Variants in ABCC4 observed in about 807,000 individuals in gnomAD.
ABCC4 encodes ATP-binding cassette sub-family C member 4.
In ABCC4, 102 loss-of-function variants were observed where a neutral mutation model predicts 168.5. That is an observed-to-expected ratio of 0.61 (90% CI 0.52 to 0.71). The LOEUF is 0.71. Among genes scored for constraint, ABCC4 ranks in the 30% least tolerant of loss-of-function variants. The pLI is 0.00. For missense variants in ABCC4, 1,402 were observed against 1,605.8 expected (o/e 0.87, Z 2.17); for synonymous variants, 617 against 590.7 (o/e 1.04, Z -0.65).
At chr13:95,081,431 C>A (rs573722671) in intron 21 of ABCC4, among the ~76,000 whole-genome samples, 3 of 152,202 alleles carry the variant, frequency 2.0e-5, no homozygotes, top group Non-Finnish European at 4.4e-5. Flanking sequence ...AAAATGCCTG[C>A]ACAGCCTTGC....
intron 4 of ABCC4, among the ~76,000 whole-genome samples, chr13:95,216,828 T>A (rs1361364596): frequency 6.6e-6 from 1 of 152,134 alleles, no homozygotes; most frequent in Non-Finnish European, 1.5e-5. Context: ...AATTAACAAC[T>A]CTTGGGGAGG....
At chr13:95,250,368 T>A (rs774220891) in intron 1 of ABCC4, among the ~76,000 whole-genome samples, 2 of 152,170 alleles carry the variant, frequency 1.3e-5, no homozygotes, top group Non-Finnish European at 2.9e-5. Flanking sequence ...GTACAATGCT[T>A]TCAGGGCAAT....
intron 20 of ABCC4, among the ~76,000 whole-genome samples, chr13:95,086,093 G>GTGTGTGTGTGTA (rs2034249255): frequency 6.6e-6 from 1 of 151,252 alleles, no homozygotes; most frequent in Admixed American, 6.6e-5. Flanking sequence ...GTTATTGTGT[G>GTGTGTGTGTGTA]TGTGTGTGTG....
chr13:95,117,807 T>C (rs532519172), intron 19 of ABCC4, among the ~76,000 whole-genome samples: 2 of 149,372 alleles, frequency 1.3e-5, no homozygotes, highest in South Asian at 4.2e-4. Context: ...AGGCCAGGTA[T>C]GGGGCTCACA....
Position 95,021,329 on chromosome 13 carries a change from G to T in ABCC4, c.*246C>A, listed in dbSNP as rs193269501. 38 of 393,320 alleles carry T rather than the reference G, an allele frequency of 9.7e-5. No homozygotes were observed. The East Asian group carries it at 9.7e-4, about 10-fold the overall frequency. The allele number at this position is 393,320 out of a possible 1,614,324, so 24.4% of individuals were successfully genotyped here. On this transcript the variant is annotated 3_prime_UTR_variant, in exon 31 of 31. Transcript: ENST00000645237. ...TCTTAAGGCACAAAACCTGATAGAC[G>T]GCATTTAACTGGTGGCCTGCACCTC...
intron 1 of ABCC4, among the ~76,000 whole-genome samples, chr13:95,300,136 G>A (rs1339507772): frequency 6.6e-6 from 1 of 152,204 alleles, no homozygotes; most frequent in Non-Finnish European, 1.5e-5. Flanking sequence ...ACCGCGCCAG[G>A]CCAAGATGGA....
intron 15 of ABCC4, 133 bp downstream of exon 15, chr13:95,166,025 T>A (rs138132657): frequency 1.2e-6 from 1 of 839,738 alleles, no homozygotes; most frequent in East Asian, 2.5e-5. Flanking sequence ...ACCAATATCA[T>A]GGAATAGAGC....
intron 26 of ABCC4, among the ~76,000 whole-genome samples, chr13:95,055,066 C>A (rs933212831): frequency 2.0e-4 from 31 of 152,154 alleles, no homozygotes; most frequent in African/African-American, 6.8e-4. Flanking sequence ...AGTCACTGGT[C>A]ACATGATGTT....
At chr13:95,096,187 A>G in intron 20 of ABCC4, 1 of 646,366 alleles carries the variant, frequency 1.5e-6, no homozygotes, top group Non-Finnish European at 2.8e-6. Context: ...TCTCTATGAA[A>G]GAAAAAAAAA....
At chr13:95,124,956 C>T (rs1349066861) in intron 19 of ABCC4, among the ~76,000 whole-genome samples, 1 of 151,692 alleles carries the variant, frequency 6.6e-6, no homozygotes, top group African/African-American at 2.4e-5. Flanking sequence ...CTTAAGGCAC[C>T]AAATGAGGCA....
intron 3 of ABCC4, among the ~76,000 whole-genome samples, chr13:95,241,383 A>G (rs1441744608): frequency 4.0e-5 from 6 of 150,908 alleles, no homozygotes; most frequent in Non-Finnish European, 8.9e-5. Flanking sequence ...AAAAAAATAC[A>G]CATCTCATTT....
At chr13:95,231,230 T>C (rs2039613232) in intron 4 of ABCC4, among the ~76,000 whole-genome samples, 1 of 152,218 alleles carries the variant, frequency 6.6e-6, no homozygotes, top group Non-Finnish European at 1.5e-5. Flanking sequence ...GATGTGAATG[T>C]ACTTAATGCA....
chr13:95,273,911 G>T (rs1436051629), intron 1 of ABCC4, among the ~76,000 whole-genome samples: 4 of 150,844 alleles, frequency 2.7e-5, no homozygotes, highest in African/African-American at 9.8e-5. Flanking sequence ...CGCCCCCCGG[G>T]GTTCACGCGA....
chr13:95,051,843 T>A (rs2032851567), intron 27 of ABCC4, among the ~76,000 whole-genome samples: 1 of 151,514 alleles, frequency 6.6e-6, no homozygotes, highest in South Asian at 2.1e-4. Flanking sequence ...ATTTTGGTAT[T>A]TTTAGTAGAC....
chr13:95,110,726 G>A (rs937934967), intron 20 of ABCC4, among the ~76,000 whole-genome samples: 5 of 152,080 alleles, frequency 3.3e-5, no homozygotes, highest in Non-Finnish European at 7.4e-5. Flanking sequence ...CCAGCACTTT[G>A]GGAGGCTGAG....
intron 5 of ABCC4, 45 bp downstream of exon 5, chr13:95,210,646 AG>A (rs751070090): frequency 6.9e-7 from 1 of 1,454,018 alleles, no homozygotes; most frequent in Non-Finnish European, 9.7e-7. Context: ...AAGGGGAAAG[AG>A]GGGTGTTTAA....
In ABCC4 at chr13:95,053,136, T is replaced by C. The variant is rs2032910207; in HGVS notation, c.3415A>G (p.Asn1139Asp). ...GTMRKNLDPF[N>D]EHTDEELWNA... ...CACAGTTCCTCATCCGTGTGCTCAT[T>C]AAAGGGATCCAGGTTTTTCCTCATT... The change falls in exon 27 of 31, where the codon AAT becomes GAT. Residue 1139 changes from asparagine to aspartate, a missense_variant. Asn to Asp is a conservative substitution (Grantham distance 23). Coordinates refer to ENST00000645237, the MANE Select transcript of ABCC4 (RefSeq NM_005845.5). The C allele has an allele frequency of 6.2e-7, 1 of 1,614,142 alleles. No individual in the cohort carries two copies.
At position 95,186,754 on chromosome 13, in the gene ABCC4, T is replaced by C. The variant is rs11568669; in HGVS notation, c.1492A>G (p.Lys498Glu). The change falls in exon 11 of 31, where the codon AAA becomes GAA. Residue 498 changes from lysine (K) to glutamate (E), a missense_variant. Lys to Glu is a moderately conservative substitution (Grantham distance 56). Around this residue, in one of 3 missense-constraint regions of ABCC4, gnomAD observed 1,007 missense variants for 1,127.3 expected, o/e 0.89. Transcript: ENST00000645237. ...TLRSNILFGK[K>E]YEKERYEKVI... ...TTTTCATATCGTTCCTTTTCGTATT[T>C]CTTCCCAAATAAAATATTACTCCTC... 1,062 of 1,614,182 alleles carry C rather than the reference T, an allele frequency of 6.6e-4. 3 individuals carry two copies. The African/African-American group carries it at 0.012, about 18-fold the overall frequency.
chr13:95,256,887 C>T lies in ABCC4; in HGVS notation c.75-9134G>A, dbSNP rs980959781. ...GAGATGACATAGTTCTCTCTTGCTT[C>T]CAAGCTCAAATAAGCACTTGCCAGA... On this transcript the variant is annotated intron_variant, in intron 1 of 30. Transcript: ENST00000645237. Among the ~76,000 whole-genome samples the T allele has an allele frequency of 1.1e-4, 17 of 152,318 alleles. No homozygotes were observed. In the East Asian group the frequency reaches 3.3e-3, roughly 29 times the overall value.
Sources: allele counts gnomAD v4.1 joint callset (sites outside exome capture counted in the v4.1 genomes callset), GRCh38; gene constraint gnomAD v4.1.1; regional missense constraint gnomAD v4.1.1; transcripts MANE v1.5; gene names NCBI Gene and HGNC (gene_info 2026-07-23, HGNC 2026-07-21).